The following POT1 variants were observed in gnomAD, a reference collection of about 807,000 sequenced individuals.
POT1 encodes protection of telomeres 1, also known as protection of telomeres protein 1.
POT1 carries 47 observed loss-of-function variants against 78.5 expected under a neutral mutation model. The ratio of observed to expected loss-of-function variants is 0.60; its 90% CI spans 0.47 to 0.76. POT1 has a LOEUF of 0.76. POT1 is among the 30% of genes least tolerant of loss of function. The pLI is 0.00. For synonymous variants in POT1, 259 were observed against 260.7 expected, an observed-to-expected ratio of 0.99 and a Z score of 0.06; for missense variants, 646 against 749.9, an observed-to-expected ratio of 0.86 and a Z score of 1.62.
intron 3 of POT1, among the ~76,000 whole-genome samples, chr7:124,915,117 G>T (rs923074961): frequency 6.6e-6 from 1 of 152,098 alleles, no homozygotes; most frequent in Non-Finnish European, 1.5e-5. Flanking sequence ...CCAGTACCTA[G>T]AACAGTGTCT....
At chr7:124,841,890 A>ATAT (rs1795037003) in intron 13 of POT1, among the ~76,000 whole-genome samples, 1 of 152,040 alleles carries the variant, frequency 6.6e-6, no homozygotes, top group South Asian at 2.1e-4. Context: ...AAATCCTTAT[A>ATAT]TATACATTTT....
chr7:124,897,038 C>T (rs1457626537), intron 5 of POT1, 127 bp downstream of exon 5: 2 of 476,704 alleles, frequency 4.2e-6, no homozygotes, highest in Middle Eastern at 4.3e-4. Flanking sequence ...TTATGTTTTT[C>T]CAGTGTATTG....
At chr7:124,911,948 C>T (rs1385718076) in intron 3 of POT1, among the ~76,000 whole-genome samples, 1 of 152,004 alleles carries the variant, frequency 6.6e-6, no homozygotes, top group Non-Finnish European at 1.5e-5. Context: ...AATCCAAAAC[C>T]CTTATTTTAT....
intron 12 of POT1, 43 bp downstream of exon 12, chr7:124,846,899 T>G: frequency 7.3e-7 from 1 of 1,362,934 alleles, no homozygotes; most frequent in East Asian, 2.3e-5. Flanking sequence ...GACTTTATTA[T>G]GCTCATTACT....
chr7:124,857,840 C>A (rs932854618), intron 9 of POT1, among the ~76,000 whole-genome samples: 1 of 152,124 alleles, frequency 6.6e-6, no homozygotes, highest in Non-Finnish European at 1.5e-5. Context: ...TCACAGCTAC[C>A]CTGCACTAAG....
At chr7:124,863,665 A>G (rs1253949165) in intron 7 of POT1, 25 bp from the exon 8 acceptor site, 5 of 1,542,570 alleles carry the variant, frequency 3.2e-6, no homozygotes, top group East Asian at 2.2e-5. Context: ...CAAAGTAGAA[A>G]ACAGATACAA....
At chr7:124,907,698 G>A (rs1373437411) in intron 3 of POT1, among the ~76,000 whole-genome samples, 5 of 152,220 alleles carry the variant, frequency 3.3e-5, no homozygotes, top group Middle Eastern at 3.4e-3. Flanking sequence ...TTCACCAACT[G>A]TAATACCACT....
intron 15 of POT1, among the ~76,000 whole-genome samples, chr7:124,830,258 A>G (rs997359453): frequency 3.9e-5 from 6 of 152,164 alleles, no homozygotes; most frequent in Admixed American, 3.9e-4. Flanking sequence ...TATTTTAACT[A>G]TGAGTAATTT....
intron 6 of POT1, among the ~76,000 whole-genome samples, chr7:124,880,452 T>A (rs1487200341): frequency 2.0e-5 from 3 of 152,116 alleles, no homozygotes; most frequent in African/African-American, 7.2e-5. Context: ...TTTAACTTAA[T>A]GTTTAAATAG....
intron 6 of POT1, among the ~76,000 whole-genome samples, chr7:124,877,140 T>C (rs1233281639): frequency 6.6e-6 from 1 of 152,170 alleles, no homozygotes; most frequent in Non-Finnish European, 1.5e-5. Flanking sequence ...CTGTAGAGAA[T>C]AAAACAAGTT....
At chr7:124,873,413 A>AT (rs1203117089) in intron 6 of POT1, among the ~76,000 whole-genome samples, 2 of 152,220 alleles carry the variant, frequency 1.3e-5, no homozygotes, top group African/African-American at 4.8e-5. Context: ...TTTGATTTGC[A>AT]TATGTGGAAC....
chr7:124,900,520 A>C (rs1340482721), intron 3 of POT1, among the ~76,000 whole-genome samples: 1 of 152,074 alleles, frequency 6.6e-6, no homozygotes, highest in Admixed American at 6.6e-5. Flanking sequence ...TTGGACTGAA[A>C]GTAATGGAGA....
chr7:124,882,696 A>G (rs1304695310), intron 6 of POT1, among the ~76,000 whole-genome samples: 1 of 90,470 alleles, frequency 1.1e-5, no homozygotes, highest in African/African-American at 5.1e-5. Flanking sequence ...AAGTTTTAAG[A>G]ATTAAAAAAA....
intron 6 of POT1, among the ~76,000 whole-genome samples, chr7:124,883,572 G>GTTCTAATATTATCT: frequency 6.6e-6 from 1 of 152,008 alleles, no homozygotes; most frequent in Non-Finnish European, 1.5e-5. Context: ...AAACAAAGAG[G>GTTCTAATATTATCT]ACAACCTTAC....
intron 18 of POT1, 31 bp downstream of exon 18, chr7:124,825,221 A>T: frequency 7.1e-7 from 1 of 1,408,860 alleles, no homozygotes; most frequent in South Asian, 1.2e-5. Context: ...AAGTAAAAGA[A>T]GTGTGGGATT....
chr7:124,915,807 T>C (rs1281643661), intron 2 of POT1, among the ~76,000 whole-genome samples, 161 bp from the exon 3 acceptor site: 3 of 152,112 alleles, frequency 2.0e-5, no homozygotes, highest in Non-Finnish European at 4.4e-5. Context: ...ACTGTTGAAT[T>C]TGTTTTTCTA....
intron 5 of POT1, among the ~76,000 whole-genome samples, chr7:124,895,944 T>C (rs944634963): frequency 6.6e-6 from 1 of 151,590 alleles, no homozygotes; most frequent in Non-Finnish European, 1.5e-5. Context: ...CTGAAGACAA[T>C]ACAAGATCAA....
intron 7 of POT1, among the ~76,000 whole-genome samples, chr7:124,866,939 T>C (rs1015292883): frequency 6.6e-6 from 1 of 152,228 alleles, no homozygotes; most frequent in Non-Finnish European, 1.5e-5. Flanking sequence ...TTCTACTTGA[T>C]GTATATGCTG....
At chr7:124,836,639 GC>G (rs1794906202) in intron 14 of POT1, among the ~76,000 whole-genome samples, 1 of 152,078 alleles carries the variant, frequency 6.6e-6, no homozygotes, top group Non-Finnish European at 1.5e-5. Flanking sequence ...ATTCACACTG[GC>G]CAGTCACACG....
Sources: gnomAD v4.1 joint callset for allele counts (sites outside exome capture counted in the v4.1 genomes callset) on GRCh38, gnomAD v4.1.1 for gene constraint, MANE v1.5 for transcripts, NCBI Gene and HGNC (gene_info 2026-07-23, HGNC 2026-07-21) for gene names.